Variants in R3HDML observed in about 807,000 individuals in gnomAD.
The protein encoded by R3HDML is peptidase inhibitor R3HDML.
A neutral mutation model predicts 24.2 loss-of-function variants in R3HDML; 21 were observed. The observed-to-expected ratio is 0.87, with a 90% CI of 0.62 to 1.25. R3HDML has a LOEUF of 1.25. Ranked by LOEUF, R3HDML falls within the 50% of genes most tolerant of loss-of-function variation. The pLI, the probability that R3HDML is intolerant of heterozygous loss-of-function variation, is 0.00. For missense variants in R3HDML, 301 were observed against 340.3 expected (o/e 0.88, Z 0.91); for synonymous variants, 133 against 131.5 (o/e 1.01, Z -0.08).
chr20:44,345,153 G>C, intron 3 of R3HDML, 110 bp from the exon 4 acceptor site: 1 of 822,224 alleles, frequency 1.2e-6, no homozygotes, highest in East Asian at 2.4e-5. Context: ...CTTGGAACAG[G>C]CAGACTGTCT....
chr20:44,349,562 G>A (rs747836014), intron 4 of R3HDML, among the ~76,000 whole-genome samples: 1 of 152,076 alleles, frequency 6.6e-6, no homozygotes, highest in Non-Finnish European at 1.5e-5. Flanking sequence ...CCAGAAGTGA[G>A]TATTTTTCTG....
rs1344132303 is a variant in R3HDML, at chr20:44,341,202, G to C, written c.268G>C (p.Asp90His). 1 of 1,612,212 alleles carries C rather than the reference G, an allele frequency of 6.2e-7. No individual in the cohort carries two copies. The highest frequency in any genetic ancestry group is 1.1e-5 in the South Asian group (1 of 90,936). The change falls in exon 2 of 5, where the codon GAC becomes CAC. Residue 90 changes from aspartate to histidine, a missense_variant. Physicochemically the swap from Asp to His is moderately conservative, Grantham distance 81. Transcript: ENST00000217043. Reference protein sequence around the residue: ...PAANMEYMVWDKRLARAAEAW... With the variant: ...PAANMEYMVWHKRLARAAEAW... Reference sequence around the variant, plus strand: ...ATTGCCTTTCTTTCCCCAGGTCTGGGACAAGCGGCTGGCCAGGGCTGCCGA... The same window carrying C: ...ATTGCCTTTCTTTCCCCAGGTCTGGCACAAGCGGCTGGCCAGGGCTGCCGA...
At position 44,344,909 on chromosome 20, in the gene R3HDML, G is replaced by A. The variant is rs74926056; in HGVS notation, c.514-354G>A. The A allele has an allele frequency of 3.2e-4, 67 of 212,120 alleles. No individual in the cohort carries two copies. The East Asian group carries it at 7.8e-3, about 25-fold the overall frequency. 13.1% of individuals were successfully genotyped at this position (212,120 alleles called of 1,614,324 possible). A position where few individuals can be genotyped will look rare whatever the true frequency, so the allele number is the denominator to read the frequency against. ...CAGTTACAGATCCAACTTCCTTCTCGCGACTGCACTTGACTGAGTGCAGTA... is the reference window on the plus strand; with the variant it reads ...CAGTTACAGATCCAACTTCCTTCTCACGACTGCACTTGACTGAGTGCAGTA... On this transcript the variant is annotated intron_variant, in intron 3 of 4. Transcript: ENST00000217043.
Position 44,349,435 on chromosome 20 carries a change from G to A in R3HDML, c.630-1225G>A, listed in dbSNP as rs76982518. Among the ~76,000 whole-genome samples, 1,503 of 152,178 alleles carry A rather than the reference G, an allele frequency of 9.9e-3. 16 individuals are homozygous for A. Among genetic ancestry groups the A allele is most frequent in the African/African-American group, 0.034 (1,429 of 41,500 alleles). On this transcript the variant is annotated intron_variant, in intron 4 of 4. Transcript: ENST00000217043. ...CCACTCTCCCCGCCCCCAAACTTCT[G>A]AGAGCACCTTTTGAGAACTGTGGAC... is the stretch of plus-strand genomic sequence containing the variant.
rs200651737 is a variant in R3HDML at position 44,337,462 on chromosome 20, C to T, written c.261+44C>T. 8.2e-5 allele frequency: 130 copies of T among 1,583,572 alleles called. No homozygotes were observed. The highest frequency in any genetic ancestry group is 1.7e-4 in the Middle Eastern group (1 of 5,976). On this transcript the variant is annotated intron_variant, in intron 1 of 4. Transcript: ENST00000217043. The surrounding 1 kb of genome is among the most constrained non-coding windows in gnomAD (Gnocchi z 4.7). Reference sequence around the variant, plus strand: ...CCCCCACCCCCCGCAGTGTCCCTTCCGGCAAACGCAGCCGGACTCATCTTG... The same window carrying T: ...CCCCCACCCCCCGCAGTGTCCCTTCTGGCAAACGCAGCCGGACTCATCTTG...
chr20:44,350,913 G>T lies in R3HDML; in HGVS notation c.*121G>T. On this transcript the variant is annotated 3_prime_UTR_variant, in exon 5 of 5. Coordinates refer to ENST00000217043, the MANE Select transcript of R3HDML (RefSeq NM_178491.4). The stretch of plus-strand genomic sequence containing the variant: ...ATATGAGTTAGAATCACCCCCTGTT[G>T]AATTTTCCCTCCTAGATCCCCTTCT... The T allele has an allele frequency of 8.5e-7, 1 of 1,176,938 alleles. No homozygotes were observed. 72.9% of individuals were successfully genotyped at this position (1,176,938 alleles called of 1,614,324 possible).
intron 1 of R3HDML, among the ~76,000 whole-genome samples, chr20:44,340,657 G>A (rs2062769831): frequency 6.6e-6 from 1 of 151,962 alleles, no homozygotes; most frequent in South Asian, 2.1e-4. Flanking sequence ...GTGGTGGCAT[G>A]CGCCTGCAGT....
At chr20:44,343,624 T>C (rs1600600410) in intron 3 of R3HDML, 115 bp downstream of exon 3, 1 of 1,119,606 alleles carries the variant, frequency 8.9e-7, no homozygotes, top group East Asian at 2.8e-5. Flanking sequence ...TGAGCTTCTT[T>C]TCACCAAAGA....
At position 44,350,653 on chromosome 20, in the gene R3HDML, C is replaced by A; in HGVS notation, c.630-7C>A. On this transcript the variant is annotated splice_polypyrimidine_tract_variant and splice_region_variant and intron_variant, in intron 4 of 4. Transcript: ENST00000217043. The stretch of plus-strand genomic sequence containing the variant: ...CCTCTGTCTCCCTGGGTCCTTTTCT[C>A]TTCCAGGGGCAACTGGATTGGCGAG... 2 of 1,612,330 alleles carry A rather than the reference C, an allele frequency of 1.2e-6. No individual in the cohort carries two copies. Among genetic ancestry groups the A allele is most frequent in the Non-Finnish European group, 1.7e-6 (2 of 1,179,276 alleles).
At position 44,337,355 on chromosome 20, in the gene R3HDML, A is replaced by C. The variant is rs768815980; in HGVS notation, c.198A>C (p.Leu66Phe). 11 of 1,614,154 alleles carry C rather than the reference A, an allele frequency of 6.8e-6. No homozygotes were observed. Among genetic ancestry groups the C allele is most frequent in the Non-Finnish European group, 9.3e-6 (11 of 1,180,034 alleles). The change falls in exon 1 of 5, where the codon TTA (leucine) becomes TTC (phenylalanine). Residue 66 changes from leucine (L) to phenylalanine (F), a missense_variant. Transcript: ENST00000217043. The surrounding 1 kb of genome is among the most constrained non-coding windows in gnomAD (Gnocchi z 4.7). Reference protein sequence around the residue: ...RHISVRDMNALLDYHNHIRAS... With the variant: ...RHISVRDMNAFLDYHNHIRAS... ...TCTCTGTGAGAGACATGAATGCCTT[A>C]CTGGATTATCACAACCACATCCGGG... is the stretch of plus-strand genomic sequence containing the variant.
chr20:44,341,490 A>G (rs1017615911), intron 2 of R3HDML, among the ~76,000 whole-genome samples, 176 bp downstream of exon 2: 5 of 152,244 alleles, frequency 3.3e-5, no homozygotes, highest in Non-Finnish European at 7.3e-5. Context: ...ACCCTAACAA[A>G]GTTGTGTATA....
intron 2 of R3HDML, among the ~76,000 whole-genome samples, chr20:44,343,132 G>C (rs963722658): frequency 6.6e-6 from 1 of 152,076 alleles, no homozygotes; most frequent in Non-Finnish European, 1.5e-5. Flanking sequence ...CCTCCTGCCC[G>C]GCCCTCTGTA....
chr20:44,347,029 C>G (rs1368670089), intron 4 of R3HDML, among the ~76,000 whole-genome samples: 1 of 152,074 alleles, frequency 6.6e-6, no homozygotes, highest in Admixed American at 6.6e-5. Flanking sequence ...GTAATCCCAG[C>G]TACTTGGGAG....
chr20:44,348,962 C>A (rs2062799801), intron 4 of R3HDML, among the ~76,000 whole-genome samples: 1 of 151,904 alleles, frequency 6.6e-6, no homozygotes, highest in Non-Finnish European at 1.5e-5. Context: ...ACCAGCCTGG[C>A]CAACATAGTG....
rs2062809617 is a variant in R3HDML, at chr20:44,350,907, C to G, written c.*115C>G. ...TAAAGGATATGAGTTAGAATCACCC[C>G]CTGTTGAATTTTCCCTCCTAGATCC... On this transcript the variant is annotated 3_prime_UTR_variant, in exon 5 of 5. Coordinates refer to ENST00000217043, the MANE Select transcript of R3HDML (RefSeq NM_178491.4). 3.9e-6 allele frequency: 5 copies of G among 1,280,298 alleles called. No homozygotes were observed. The South Asian group carries it at 7.0e-5, about 18-fold the overall frequency. The allele number at this position is 1,280,298 out of a possible 1,614,324, so 79.3% of individuals were successfully genotyped here.
intron 2 of R3HDML, among the ~76,000 whole-genome samples, chr20:44,342,187 GATTTTT>G (rs1302081468): frequency 1.3e-5 from 2 of 152,228 alleles, no homozygotes; most frequent in Non-Finnish European, 2.9e-5. Context: ...ACAATTGTCA[GATTTTT>G]ATTTTGCCAA....
At position 44,337,113 on chromosome 20, in the gene R3HDML, C is replaced by A. The variant is rs768205454; in HGVS notation, c.-45C>A. 6.3e-7 allele frequency: 1 copy of A among 1,574,838 alleles called. No individual in the cohort carries two copies. The highest frequency in any genetic ancestry group is 1.1e-5 in the South Asian group (1 of 87,038). Reference sequence around the variant, plus strand: ...CTCGTGCCTGCCCCTTCCAGGCAGCCGGCTCTGATTGCACAAGGCAGACCT... The same window carrying A: ...CTCGTGCCTGCCCCTTCCAGGCAGCAGGCTCTGATTGCACAAGGCAGACCT... On this transcript the variant is annotated 5_prime_UTR_variant, in exon 1 of 5. Coordinates refer to ENST00000217043, the MANE Select transcript of R3HDML (RefSeq NM_178491.4). This position sits in a 1 kb window ranked among gnomAD's most constrained non-coding sequence, Gnocchi z 4.7.
intron 2 of R3HDML, 149 bp from the exon 3 acceptor site, chr20:44,343,228 A>T: frequency 1.1e-6 from 1 of 915,780 alleles, no homozygotes; most frequent in Non-Finnish European, 1.7e-6. Flanking sequence ...CATGCCTGTG[A>T]GGCAGGGCCA....
In R3HDML at chr20:44,345,396, G is replaced by A. The variant is rs1445214033; in HGVS notation, c.629+18G>A. The A allele has an allele frequency of 6.3e-7, 1 of 1,578,804 alleles. No individual in the cohort carries two copies. Among genetic ancestry groups the A allele is most frequent in the Non-Finnish European group, 8.7e-7 (1 of 1,153,146 alleles). On this transcript the variant is annotated intron_variant, in intron 4 of 4. Transcript: ENST00000217043. ...GCCATTAAGTAAGTGCCTGCACCAA[G>A]GCAAAGAGGGCCCTGGGGCCGGCGG...
Sources: allele counts gnomAD v4.1 joint callset (sites outside exome capture counted in the v4.1 genomes callset), GRCh38; gene constraint gnomAD v4.1.1; non-coding constraint Gnocchi (gnomAD v3.1); transcripts MANE v1.5; gene names NCBI Gene and HGNC (gene_info 2026-07-23, HGNC 2026-07-21).